The following SV2C variants were observed in gnomAD, a reference collection of about 807,000 sequenced individuals.
SV2C encodes the protein synaptic vesicle glycoprotein 2C, also known as solute carrier family 22 member B3.
A neutral mutation model predicts 79.7 loss-of-function variants in SV2C; 49 were observed. The observed-to-expected ratio is 0.61, with a 90% CI of 0.49 to 0.78. The LOEUF (loss-of-function observed/expected upper bound fraction) is 0.78, where lower values mean the gene tolerates loss of function less well. Ranked by LOEUF, SV2C falls within the 30% of genes least tolerant of loss-of-function variation. The probability of loss-of-function intolerance (pLI) is 0.00; values close to 1 mark genes in which losing one functional copy is unlikely to be tolerated. For missense variants in SV2C, 833 were observed against 912.9 expected (o/e 0.91, Z 1.13); for synonymous variants, 334 against 333.2 (o/e 1.00, Z -0.03).
chr5:76,338,537 C>T (rs965852350), downstream of SV2C, among the ~76,000 whole-genome samples: 1 of 152,196 alleles, frequency 6.6e-6, no homozygotes, highest in African/African-American at 2.4e-5. Flanking sequence ...ACATATCCCA[C>T]CCCCACTGCA....
intron 2 of SV2C, among the ~76,000 whole-genome samples, chr5:76,168,916 AT>A (rs1166761742): frequency 1.3e-5 from 2 of 152,138 alleles, no homozygotes; most frequent in Non-Finnish European, 2.9e-5. Context: ...CCAGCGTGAC[AT>A]TTATCCTGGG....
chr5:76,270,753 T>G (rs1186628291), intron 4 of SV2C, among the ~76,000 whole-genome samples: 1 of 151,694 alleles, frequency 6.6e-6, no homozygotes, highest in Non-Finnish European at 1.5e-5. Flanking sequence ...CCCTATGATT[T>G]ATTTATTTAT....
At chr5:75,997,607 C>G in the SV2C span, among the ~76,000 whole-genome samples, 4 of 152,114 alleles carry the variant, frequency 2.6e-5, no homozygotes, top group African/African-American at 7.2e-5. Context: ...TCATCACTGG[C>G]CATCAGAGAA....
rs1749233621 is a variant in SV2C at position 76,333,196 on chromosome 5, C to A, written c.*7649C>A. 6.6e-6 allele frequency: 1 copy of A among 152,194 alleles called. No individual in the cohort carries two copies. The highest frequency in any genetic ancestry group is 2.4e-5 in the African/African-American group (1 of 41,446). The allele number at this position is 152,194 out of a possible 1,614,324, so 9.4% of individuals were successfully genotyped here. ...GATAGAACTTGACAAATTGGCCTAA[C>A]TTCATCTCCGCTGCTATTGTTATAT... On this transcript the variant is annotated 3_prime_UTR_variant, in exon 13 of 13. Coordinates refer to ENST00000502798, the MANE Select transcript of SV2C (RefSeq NM_014979.4).
chr5:76,174,281 T>C, intron 2 of SV2C: 1 of 1,236,448 alleles, frequency 8.1e-7, no homozygotes. Flanking sequence ...GGGTCGCTAC[T>C]CTAGGCGCCA....
At chr5:76,260,304 T>G (rs1270826587) in intron 4 of SV2C, among the ~76,000 whole-genome samples, 1 of 152,202 alleles carries the variant, frequency 6.6e-6, no homozygotes, top group East Asian at 1.9e-4. Flanking sequence ...ATTTTTTTCT[T>G]GAAATTTGTT....
At chr5:75,952,775 A>C in the SV2C span, among the ~76,000 whole-genome samples, 1 of 152,018 alleles carries the variant, frequency 6.6e-6, no homozygotes, top group Admixed American at 6.6e-5. Flanking sequence ...CCGTGAGCCA[A>C]TTAAATGTTT....
At chr5:76,052,394 A>G in the SV2C span, among the ~76,000 whole-genome samples, 2 of 152,232 alleles carry the variant, frequency 1.3e-5, no homozygotes, top group African/African-American at 2.4e-5. Context: ...GCAGGCTATA[A>G]CAGAGAGACA....
chr5:76,173,543 A>G (rs1485798242), intron 2 of SV2C: 2 of 1,313,702 alleles, frequency 1.5e-6, no homozygotes, highest in East Asian at 2.3e-5. Context: ...AGATGTTGGT[A>G]GGTTTAACAA....
intron 4 of SV2C, among the ~76,000 whole-genome samples, chr5:76,276,097 C>T (rs1206830529): frequency 1.3e-5 from 2 of 152,158 alleles, no homozygotes; most frequent in Non-Finnish European, 2.9e-5. Context: ...TGTCTCTCCA[C>T]TTTCTGATTT....
intron 9 of SV2C, among the ~76,000 whole-genome samples, chr5:76,297,871 A>T (rs1747830621): frequency 6.6e-6 from 1 of 151,968 alleles, no homozygotes; most frequent in Non-Finnish European, 1.5e-5. Flanking sequence ...TGACATAACA[A>T]CTCCTTCCCG....
At chr5:75,886,049 C>T in the SV2C span, among the ~76,000 whole-genome samples, 6 of 152,104 alleles carry the variant, frequency 3.9e-5, no homozygotes, top group African/African-American at 1.4e-4. Flanking sequence ...GGCCTCTATA[C>T]TGTTTGCATG....
the SV2C span, among the ~76,000 whole-genome samples, chr5:75,861,598 T>TA: frequency 6.6e-6 from 1 of 151,454 alleles, no homozygotes; most frequent in African/African-American, 2.4e-5. Context: ...GTGGACTGGA[T>TA]AAAAAAAACA....
upstream of SV2C, chr5:76,079,748 T>C: frequency 3.8e-6 from 1 of 262,420 alleles, no homozygotes; most frequent in South Asian, 5.7e-5. Context: ...TTACGCTGTC[T>C]GGAAGAAAGC....
intron 1 of SV2C, among the ~76,000 whole-genome samples, chr5:76,098,479 G>A (rs1747635672): frequency 6.6e-6 from 1 of 152,186 alleles, no homozygotes; most frequent in Non-Finnish European, 1.5e-5. Flanking sequence ...ATTGATAAAG[G>A]CATCACACTC....
At chr5:76,127,566 A>C (rs1322904105) in intron 1 of SV2C, among the ~76,000 whole-genome samples, 1 of 152,158 alleles carries the variant, frequency 6.6e-6, no homozygotes, top group African/African-American at 2.4e-5. Flanking sequence ...ATATTTATCA[A>C]GTGGTTTTAC....
In SV2C at chr5:76,114,334, A is replaced by G. The variant is rs146574470; in HGVS notation, c.-101-17316A>G. ...GAATAAACAAAGGCGGCTGCTTTTT[A>G]TAGCCACCACCCTAAGAACCTTGCA... On this transcript the variant is annotated intron_variant, in intron 1 of 12. Coordinates refer to ENST00000502798, the MANE Select transcript of SV2C (RefSeq NM_014979.4). Among the ~76,000 whole-genome samples, 109 of 152,298 alleles carry G rather than the reference A, an allele frequency of 7.2e-4. No individual in the cohort carries two copies. The East Asian group carries it at 8.5e-3, about 12-fold the overall frequency.
intron 2 of SV2C, among the ~76,000 whole-genome samples, chr5:76,160,672 G>A (rs1350993802): frequency 1.3e-5 from 2 of 152,130 alleles, no homozygotes; most frequent in African/African-American, 4.8e-5. Context: ...TCCAGAATAT[G>A]TAAAGAGCTC....
At chr5:76,033,963 C>T in the SV2C span, among the ~76,000 whole-genome samples, 1 of 152,114 alleles carries the variant, frequency 6.6e-6, no homozygotes, top group Admixed American at 6.5e-5. Flanking sequence ...AGGTCCTTCC[C>T]ATCCCTTGTA....
Sources: gnomAD v4.1 joint callset for allele counts (sites outside exome capture counted in the v4.1 genomes callset) on GRCh38, gnomAD v4.1.1 for gene constraint, MANE v1.5 for transcripts, NCBI Gene and HGNC (gene_info 2026-07-23, HGNC 2026-07-21) for gene names.